The following FAM193A variants were observed in gnomAD, a reference collection of about 807,000 sequenced individuals.
FAM193A encodes the protein family with sequence similarity 193 member A, also known as protein FAM193A.
A neutral mutation model predicts 126.5 loss-of-function variants in FAM193A; 22 were observed. The observed-to-expected ratio is 0.17, with a 90% CI of 0.12 to 0.25. The LOEUF is 0.25. FAM193A is among the 10% of genes least tolerant of loss of function. The pLI is 1.00. For synonymous variants in FAM193A, 761 were observed against 646.8 expected, an observed-to-expected ratio of 1.18 and a Z score of -2.68; for missense variants, 1,675 against 1,672.8, an observed-to-expected ratio of 1.00 and a Z score of -0.02.
chr4:2,671,494 A>G (rs1713777284), intron 12 of FAM193A, among the ~76,000 whole-genome samples: 1 of 152,218 alleles, frequency 6.6e-6, no homozygotes, highest in Non-Finnish European at 1.5e-5. Context: ...GGTGGAGTAC[A>G]GGTGCAGGAA....
intron 1 of FAM193A, among the ~76,000 whole-genome samples, chr4:2,558,708 A>G (rs906751059): frequency 6.6e-6 from 1 of 152,068 alleles, no homozygotes; most frequent in African/African-American, 2.4e-5. Context: ...CTTTAAAAGC[A>G]CACAAAATCA....
chr4:2,602,691 C>T (rs959207269), intron 2 of FAM193A, among the ~76,000 whole-genome samples: 1 of 151,446 alleles, frequency 6.6e-6, no homozygotes, highest in Admixed American at 6.6e-5. Flanking sequence ...GACGGAATCT[C>T]GCTCTGTTGC....
intron 1 of FAM193A, among the ~76,000 whole-genome samples, chr4:2,569,098 T>C (rs1230134700): frequency 6.6e-6 from 1 of 151,276 alleles, no homozygotes; most frequent in African/African-American, 2.4e-5. Flanking sequence ...GCCTCCTGAG[T>C]AACTGGGACT....
intron 12 of FAM193A, among the ~76,000 whole-genome samples, chr4:2,666,186 G>GT (rs1207656213): frequency 6.6e-6 from 1 of 152,108 alleles, no homozygotes; most frequent in Non-Finnish European, 1.5e-5. Flanking sequence ...AATTTCTTGA[G>GT]TTTTTTCATG....
chr4:2,561,720 C>T (rs142432355), intron 1 of FAM193A, among the ~76,000 whole-genome samples: 195 of 152,142 alleles, frequency 1.3e-3, no homozygotes, highest in African/African-American at 4.6e-3. Context: ...TGGTCTCGAA[C>T]TCCTGATCTC....
chr4:2,558,495 C>T (rs757861687), intron 1 of FAM193A, among the ~76,000 whole-genome samples: 14 of 152,180 alleles, frequency 9.2e-5, no homozygotes, highest in Non-Finnish European at 8.8e-5. Context: ...GATCCTCCCA[C>T]GTCAGGCTTT....
At chr4:2,555,432 C>T (rs1738191376) in intron 1 of FAM193A, among the ~76,000 whole-genome samples, 1 of 152,014 alleles carries the variant, frequency 6.6e-6, no homozygotes, top group South Asian at 2.1e-4. Context: ...ACTTGGTGAC[C>T]AAATTCTAGA....
intron 13 of FAM193A, among the ~76,000 whole-genome samples, chr4:2,681,711 G>GC (rs1344368374): frequency 6.6e-6 from 1 of 152,102 alleles, no homozygotes; most frequent in African/African-American, 2.4e-5. Flanking sequence ...CAGTCCTCCT[G>GC]CCTCAGCCTC....
At chr4:2,555,406 C>G (rs951577801) in intron 1 of FAM193A, among the ~76,000 whole-genome samples, 10 of 152,146 alleles carry the variant, frequency 6.6e-5, no homozygotes, top group African/African-American at 1.7e-4. Context: ...ATCCCAGAAC[C>G]ATCTAAAAAT....
chr4:2,620,848 A>G (rs914619729), intron 2 of FAM193A, among the ~76,000 whole-genome samples: 3 of 149,512 alleles, frequency 2.0e-5, no homozygotes, highest in African/African-American at 7.7e-5. Context: ...AAAAAAAAAA[A>G]AAAAAAAAAA....
intron 1 of FAM193A, among the ~76,000 whole-genome samples, chr4:2,562,087 TTAGA>T (rs1386520975): frequency 6.6e-6 from 1 of 152,154 alleles, no homozygotes; most frequent in African/African-American, 2.4e-5. Flanking sequence ...GAAGATTGTG[TTAGA>T]TAATCTCGAA....
chr4:2,588,357 C>T (rs911293745), intron 1 of FAM193A, among the ~76,000 whole-genome samples: 1 of 152,170 alleles, frequency 6.6e-6, no homozygotes, highest in African/African-American at 2.4e-5. Flanking sequence ...TAGTCATCAG[C>T]CTGGTGACTT....
At chr4:2,610,254 A>C (rs564861956) in intron 2 of FAM193A, among the ~76,000 whole-genome samples, 1 of 152,034 alleles carries the variant, frequency 6.6e-6, no homozygotes, top group Admixed American at 6.6e-5. Context: ...AACAAAAAAA[A>C]CTCGCTAGTA....
intron 19 of FAM193A, among the ~76,000 whole-genome samples, chr4:2,704,973 G>A (rs1049927049): frequency 2.0e-5 from 3 of 152,092 alleles, no homozygotes; most frequent in Admixed American, 6.6e-5. Flanking sequence ...GTGCAGTGGC[G>A]CGATCTCGGC....
intron 12 of FAM193A, among the ~76,000 whole-genome samples, chr4:2,666,246 G>A (rs139140403): frequency 4.0e-4 from 61 of 152,210 alleles, no homozygotes; most frequent in African/African-American, 1.3e-3. Context: ...TTTTTCAAAT[G>A]TCTTTTCTGC....
At chr4:2,568,342 TA>T (rs1739090816) in intron 1 of FAM193A, among the ~76,000 whole-genome samples, 1 of 152,112 alleles carries the variant, frequency 6.6e-6, no homozygotes, top group South Asian at 2.1e-4. Context: ...TTAGGGATTT[TA>T]AAAAATTGTC....
intron 20 of FAM193A, among the ~76,000 whole-genome samples, chr4:2,727,417 GAC>G (rs1295410344): frequency 1.3e-5 from 2 of 152,130 alleles, no homozygotes; most frequent in Non-Finnish European, 2.9e-5. Context: ...TATTTTTTGA[GAC>G]ACAGTCTCTC....
At chr4:2,552,128 C>T (rs1159247118) in intron 1 of FAM193A, among the ~76,000 whole-genome samples, 1 of 151,254 alleles carries the variant, frequency 6.6e-6, no homozygotes, top group Non-Finnish European at 1.5e-5. Flanking sequence ...TCTCCTGCCT[C>T]AGCCTCCGGA....
In FAM193A at chr4:2,693,938, C is replaced by T. The variant is rs1716731376; in HGVS notation, c.3092+64C>T. ...GAAAATGGGTGTTATGCCTCACTAA[C>T]ACAGCTACAGAAACTCCCCTGGGAC... On this transcript the variant is annotated intron_variant, in intron 16 of 20. Transcript: ENST00000637812. The T allele has an allele frequency of 2.6e-6, 4 of 1,511,080 alleles. No homozygotes were observed. The South Asian group carries it at 4.9e-5, about 19-fold the overall frequency. The allele number at this position is 1,511,080 out of a possible 1,614,324, so 93.6% of individuals were successfully genotyped here.
Sources: allele counts gnomAD v4.1 joint callset (sites outside exome capture counted in the v4.1 genomes callset), GRCh38; gene constraint gnomAD v4.1.1; transcripts MANE v1.5; gene names NCBI Gene and HGNC (gene_info 2026-07-23, HGNC 2026-07-21).